The following NARS2 variants were observed in gnomAD, a reference collection of about 807,000 sequenced individuals.
NARS2 encodes asparaginyl-tRNA synthetase.
NARS2 carries 60 observed loss-of-function variants against 62.9 expected under a neutral mutation model. The observed-to-expected ratio is 0.95, with a 90% CI of 0.77 to 1.18. The LOEUF (loss-of-function observed/expected upper bound fraction) is 1.18, where lower values mean the gene tolerates loss of function less well. Among genes scored for constraint, NARS2 ranks in the 50% most tolerant of loss-of-function variants. The pLI is 0.00. For missense variants in NARS2, 619 were observed against 576.4 expected, an observed-to-expected ratio of 1.07 and a Z score of -0.76; for synonymous variants, 196 against 200.0, an observed-to-expected ratio of 0.98 and a Z score of 0.17.
chr11:78,448,074 A>G (rs73504919), intron 11 of NARS2, among the ~76,000 whole-genome samples: 1 of 152,320 alleles, frequency 6.6e-6, no homozygotes, highest in African/African-American at 2.4e-5. Context: ...AATGATAGAT[A>G]AGTCAGGTGA....
At chr11:78,479,921 C>A (rs1859274392) in intron 7 of NARS2, among the ~76,000 whole-genome samples, 1 of 152,114 alleles carries the variant, frequency 6.6e-6, no homozygotes, top group South Asian at 2.1e-4. Flanking sequence ...ATTTATGAGA[C>A]AAGGTCTTGC....
intron 5 of NARS2, among the ~76,000 whole-genome samples, chr11:78,551,133 C>A (rs1856089471): frequency 6.6e-6 from 1 of 152,158 alleles, no homozygotes; most frequent in Non-Finnish European, 1.5e-5. Context: ...TCAAATTAGA[C>A]CGTGGTGATT....
At chr11:78,503,678 G>A (rs904080931) in intron 6 of NARS2, among the ~76,000 whole-genome samples, 2 of 152,188 alleles carry the variant, frequency 1.3e-5, no homozygotes, top group African/African-American at 4.8e-5. Context: ...TAATACTCTT[G>A]ACAGACTCCA....
chr11:78,496,089 G>C (rs1233919142), intron 6 of NARS2, among the ~76,000 whole-genome samples: 1 of 152,114 alleles, frequency 6.6e-6, no homozygotes, highest in African/African-American at 2.4e-5. Context: ...ATATCATTTT[G>C]ATAGAGTAAG....
At chr11:78,477,904 A>G (rs2135262053) in intron 9 of NARS2, among the ~76,000 whole-genome samples, 1 of 152,214 alleles carries the variant, frequency 6.6e-6, no homozygotes, top group Non-Finnish European at 1.5e-5. Flanking sequence ...CTTTAGAATA[A>G]TCTCTCAATC....
intron 6 of NARS2, among the ~76,000 whole-genome samples, chr11:78,509,222 C>G (rs1246296939): frequency 6.6e-6 from 1 of 151,540 alleles, no homozygotes; most frequent in Non-Finnish European, 1.5e-5. Flanking sequence ...AATAAAAAAT[C>G]TTATATTTGG....
chr11:78,550,680 T>G (rs1412729667), intron 5 of NARS2, among the ~76,000 whole-genome samples: 1 of 152,158 alleles, frequency 6.6e-6, no homozygotes, highest in African/African-American at 2.4e-5. Context: ...AAAAATAGCT[T>G]GGCAGTTTTT....
At chr11:78,518,328 G>T (rs115370914) in intron 6 of NARS2, among the ~76,000 whole-genome samples, 2 of 152,040 alleles carry the variant, frequency 1.3e-5, no homozygotes, top group African/African-American at 4.8e-5. Flanking sequence ...ATATGGAGAC[G>T]AACTGTATAA....
At chr11:78,541,463 G>C (rs951626987) in intron 5 of NARS2, among the ~76,000 whole-genome samples, 1 of 151,768 alleles carries the variant, frequency 6.6e-6, no homozygotes, top group African/African-American at 2.4e-5. Flanking sequence ...CCCAGCTCTC[G>C]CATTTTTTAT....
chr11:78,518,224 A>C (rs967127167), intron 6 of NARS2, among the ~76,000 whole-genome samples: 3 of 152,240 alleles, frequency 2.0e-5, no homozygotes, highest in Non-Finnish European at 4.4e-5. Context: ...AATTTAAAAT[A>C]TATGGGAGGA....
intron 12 of NARS2, among the ~76,000 whole-genome samples, chr11:78,443,177 T>C (rs1857629330): frequency 6.6e-6 from 1 of 151,666 alleles, no homozygotes; most frequent in South Asian, 2.1e-4. Flanking sequence ...ATACAAAAAA[T>C]TAGCCGGGCG....
chr11:78,507,014 C>T (rs548736261), intron 6 of NARS2, among the ~76,000 whole-genome samples: 1 of 152,122 alleles, frequency 6.6e-6, no homozygotes, highest in Non-Finnish European at 1.5e-5. Context: ...CCTGGAACCC[C>T]GTGCACACAG....
At chr11:78,448,240 G>T (rs973414349) in intron 11 of NARS2, among the ~76,000 whole-genome samples, 1 of 151,402 alleles carries the variant, frequency 6.6e-6, no homozygotes, top group African/African-American at 2.4e-5. Context: ...AAAAAGAAGG[G>T]ATAGGTATAT....
intron 7 of NARS2, among the ~76,000 whole-genome samples, chr11:78,488,730 T>C (rs1392665223): frequency 6.6e-6 from 1 of 152,170 alleles, no homozygotes; most frequent in Non-Finnish European, 1.5e-5. Context: ...AGACTGTTGT[T>C]TTACTTGAAG....
intron 5 of NARS2, among the ~76,000 whole-genome samples, chr11:78,537,484 A>C (rs1364249867): frequency 6.6e-6 from 1 of 152,224 alleles, no homozygotes; most frequent in Non-Finnish European, 1.5e-5. Context: ...TAGAAGTTTC[A>C]GAATTAGATG....
Position 78,437,918 on chromosome 11 carries a change from T to A in NARS2, c.1290-1104A>T, listed in dbSNP as rs535514213. ...TGAACCTGGGAAGTGGAGGTTGCAG[T>A]GAGCAGAGATGGAGCCACTGCACTC... On this transcript the variant is annotated intron_variant, in intron 13 of 13. Transcript: ENST00000281038. 1.2e-4 allele frequency among the ~76,000 whole-genome samples: 16 copies of A among 132,680 alleles called. No homozygotes were observed. The South Asian group carries it at 3.6e-3, about 30-fold the overall frequency. The allele number at this position is 132,680 out of a possible 152,430, so 87.0% of individuals were successfully genotyped here.
intron 12 of NARS2, 161 bp downstream of exon 12, chr11:78,443,500 C>T: frequency 2.2e-6 from 1 of 451,294 alleles, no homozygotes; most frequent in Non-Finnish European, 4.0e-6. Flanking sequence ...ACGGGAAGCT[C>T]AGAGATAAAC....
Position 78,574,609 on chromosome 11 carries a change from TC to T in NARS2, c.-122del. 2 of 1,115,492 alleles carry T rather than the reference TC, an allele frequency of 1.8e-6. No individual in the cohort carries two copies. The highest frequency in any genetic ancestry group is 1.6e-5 in the African/African-American group (1 of 63,300). 69.1% of individuals were successfully genotyped at this position (1,115,492 alleles called of 1,614,324 possible). On this transcript the variant is annotated 5_prime_UTR_variant, in exon 1 of 14. Transcript: ENST00000281038. ...CGGCCGCAGCTCTGCTCTAAGGCAC[TC>T]CAGAGCCCCTCGGCTGCGCGCTTTC...
intron 6 of NARS2, among the ~76,000 whole-genome samples, chr11:78,518,635 A>T (rs1308685150): frequency 1.3e-5 from 2 of 151,922 alleles, no homozygotes; most frequent in African/African-American, 2.4e-5. Context: ...CTCCTGCCTC[A>T]GCCTCTGGAG....
Sources: allele counts gnomAD v4.1 joint callset (sites outside exome capture counted in the v4.1 genomes callset), GRCh38; gene constraint gnomAD v4.1.1; transcripts MANE v1.5; gene names NCBI Gene and HGNC (gene_info 2026-07-23, HGNC 2026-07-21).